Variants in CCDC73 observed in about 807,000 individuals in gnomAD.
CCDC73 encodes the protein coiled-coil domain-containing protein 73.
CCDC73 carries 95 observed loss-of-function variants against 116.5 expected under a neutral mutation model. The observed-to-expected ratio is 0.82, with a 90% CI of 0.69 to 0.97. The LOEUF is 0.97. Among genes scored for constraint, CCDC73 ranks in the 50% least tolerant of loss-of-function variants. The pLI is 0.00. For missense variants in CCDC73, 1,066 were observed against 1,206.8 expected (o/e 0.88, Z 1.73); for synonymous variants, 398 against 401.3 (o/e 0.99, Z 0.10).
At chr11:32,617,284 C>T (rs1318529000) in intron 14 of CCDC73, among the ~76,000 whole-genome samples, 1 of 151,716 alleles carries the variant, frequency 6.6e-6, no homozygotes, top group African/African-American at 2.4e-5. Context: ...ATTTTGGCTA[C>T]AGTACAAAAA....
At chr11:32,669,748 C>T (rs552265724) in intron 9 of CCDC73, among the ~76,000 whole-genome samples, 2 of 152,198 alleles carry the variant, frequency 1.3e-5, no homozygotes, top group Non-Finnish European at 2.9e-5. Flanking sequence ...TTTCACTTAA[C>T]ATAATGACCT....
rs994927524 is a variant in CCDC73 at position 32,675,923 on chromosome 11, T to C, written c.528A>G (p.Gly176=). Reference sequence around the variant, plus strand: ...ACTTTTCATGATTCTCTTTTACCAATCCAAATTGACCTGTTATTGTGGCAT... The same window carrying C: ...ACTTTTCATGATTCTCTTTTACCAACCCAAATTGACCTGTTATTGTGGCAT... The part of the protein sequence containing the change: ...KYYATITGQF[G]LVKENHEKLE... The change falls in exon 8 of 18, where the codon GGA becomes GGG. Residue 176 remains glycine, a synonymous_variant. Coordinates refer to ENST00000335185, the MANE Select transcript of CCDC73 (RefSeq NM_001008391.4). 1 of 1,608,032 alleles carries C rather than the reference T, an allele frequency of 6.2e-7. No individual in the cohort carries two copies. Among genetic ancestry groups the C allele is most frequent in the Non-Finnish European group, 8.5e-7 (1 of 1,177,804 alleles).
intron 12 of CCDC73, among the ~76,000 whole-genome samples, chr11:32,646,768 CCTCT>C (rs1191783195): frequency 6.6e-6 from 1 of 152,012 alleles, no homozygotes; most frequent in African/African-American, 2.4e-5. Context: ...ATTTCCTCTC[CCTCT>C]ATTTTCTCTC....
intron 12 of CCDC73, among the ~76,000 whole-genome samples, chr11:32,652,452 T>A (rs1028829280): frequency 6.6e-6 from 1 of 152,218 alleles, no homozygotes; most frequent in African/African-American, 2.4e-5. Flanking sequence ...ATTTCAAGCA[T>A]CTAGCCAGGG....
upstream of CCDC73, among the ~76,000 whole-genome samples, chr11:32,799,375 A>G (rs1198645352): frequency 1.3e-5 from 2 of 151,978 alleles, no homozygotes; most frequent in Non-Finnish European, 2.9e-5. Context: ...TACAGGCATG[A>G]GCCACCATGC....
intron 1 of CCDC73, among the ~76,000 whole-genome samples, chr11:32,774,874 G>A (rs1028847924): frequency 3.3e-5 from 5 of 152,144 alleles, no homozygotes; most frequent in African/African-American, 1.2e-4. Flanking sequence ...AACCAACAGT[G>A]TGATAAGCAC....
At chr11:32,672,433 T>C (rs1393067822) in intron 9 of CCDC73, among the ~76,000 whole-genome samples, 3 of 152,218 alleles carry the variant, frequency 2.0e-5, no homozygotes, top group African/African-American at 7.2e-5. Context: ...ATGAGGCATA[T>C]TTTCATAAGA....
At chr11:32,826,704 G>A in the CCDC73 span, among the ~76,000 whole-genome samples, 45 of 147,082 alleles carry the variant, frequency 3.1e-4, no homozygotes, top group African/African-American at 1.1e-3. Flanking sequence ...CTACTTGGCC[G>A]ATGACTATTC....
chr11:32,695,835 GT>G (rs1273552066), intron 6 of CCDC73, among the ~76,000 whole-genome samples: 1 of 110,604 alleles, frequency 9.0e-6, no homozygotes, highest in Non-Finnish European at 1.9e-5. Flanking sequence ...TTTTGTTTTT[GT>G]TTTTTTTTAA....
At chr11:32,635,885 T>A (rs1855673269) in intron 13 of CCDC73, 55 bp from the exon 14 acceptor site, 1 of 991,406 alleles carries the variant, frequency 1.0e-6, no homozygotes, top group Non-Finnish European at 1.3e-6. Flanking sequence ...TAAATATGTT[T>A]TGTCTGAAAA....
At chr11:32,705,434 G>A (rs1006207430) in intron 3 of CCDC73, among the ~76,000 whole-genome samples, 5 of 152,128 alleles carry the variant, frequency 3.3e-5, no homozygotes, top group African/African-American at 1.2e-4. Context: ...CTTGCAGTAC[G>A]TCTGCTCCAG....
rs182491083 is a variant in CCDC73, at chr11:32,792,404, G to A, written c.-16+2209C>T. Among the ~76,000 whole-genome samples the A allele has an allele frequency of 2.0e-5, 3 of 152,318 alleles. No homozygotes were observed. In the East Asian group the frequency reaches 5.8e-4, roughly 29 times the overall value. ...AGCTAAGCATTGACTAATGTCGGCTGTAATCAGAGAAGTTTAAGAATGCTG... is the reference window on the plus strand; with the variant it reads ...AGCTAAGCATTGACTAATGTCGGCTATAATCAGAGAAGTTTAAGAATGCTG... On this transcript the variant is annotated intron_variant, in intron 1 of 17. Coordinates refer to ENST00000335185, the MANE Select transcript of CCDC73 (RefSeq NM_001008391.4).
At chr11:32,653,430 A>G (rs1030996486) in intron 11 of CCDC73, among the ~76,000 whole-genome samples, 1 of 152,208 alleles carries the variant, frequency 6.6e-6, no homozygotes, top group Non-Finnish European at 1.5e-5. Flanking sequence ...TAATTAACAA[A>G]GTTTTTTGGA....
At chr11:32,664,111 T>A (rs867236013) in intron 9 of CCDC73, among the ~76,000 whole-genome samples, 3 of 152,212 alleles carry the variant, frequency 2.0e-5, no homozygotes, top group African/African-American at 7.2e-5. Flanking sequence ...TTTGCATCGA[T>A]GTTCATTAGG....
the CCDC73 span, among the ~76,000 whole-genome samples, chr11:32,808,900 C>A: frequency 4.5e-3 from 678 of 152,234 alleles, 5 homozygotes; most frequent in African/African-American, 0.015. Context: ...TCTATTCTGC[C>A]AGTACTTTTT....
intron 17 of CCDC73, chr11:32,606,371 A>G (rs950611724): frequency 2.0e-5 from 3 of 152,250 alleles, no homozygotes; most frequent in Non-Finnish European, 2.9e-5. Flanking sequence ...CAACTGCTCA[A>G]TTCTCAGTGC....
intron 2 of CCDC73, among the ~76,000 whole-genome samples, chr11:32,731,085 C>T (rs1022794663): frequency 9.9e-5 from 15 of 152,218 alleles, no homozygotes; most frequent in Admixed American, 1.3e-4. Flanking sequence ...TAATACTGCA[C>T]TTTTCCAATG....
intron 9 of CCDC73, among the ~76,000 whole-genome samples, chr11:32,672,794 T>C (rs192050369): frequency 6.1e-4 from 93 of 152,316 alleles, no homozygotes; most frequent in African/African-American, 2.1e-3. Context: ...TACTCTTAAG[T>C]AGTTTGCTAA....
At chr11:32,759,421 C>T (rs1474541652) in intron 2 of CCDC73, among the ~76,000 whole-genome samples, 5 of 150,344 alleles carry the variant, frequency 3.3e-5, no homozygotes, top group Non-Finnish European at 7.4e-5. Flanking sequence ...ACCTCCACCT[C>T]CTGGGTTCAA....
Sources: gnomAD v4.1 joint callset for allele counts (sites outside exome capture counted in the v4.1 genomes callset) on GRCh38, gnomAD v4.1.1 for gene constraint, MANE v1.5 for transcripts, NCBI Gene and HGNC (gene_info 2026-07-23, HGNC 2026-07-21) for gene names.